RAB38: variants seen among roughly 807,000 people sequenced by gnomAD.
RAB38 encodes RAB38, member RAS oncogene family.
In RAB38, 15 loss-of-function variants were observed where a neutral mutation model predicts 18.4. The ratio of observed to expected loss-of-function variants is 0.82; its 90% CI spans 0.55 to 1.26. The LOEUF (loss-of-function observed/expected upper bound fraction) is 1.26. Among genes scored for constraint, RAB38 ranks in the 50% most tolerant of loss-of-function variants. The pLI, the probability that RAB38 is intolerant of heterozygous loss-of-function variation, is 0.00. For missense variants in RAB38, 294 were observed against 267.4 expected (o/e 1.10, Z -0.69); for synonymous variants, 101 against 104.4 (o/e 0.97, Z 0.20).
the RAB38 span, among the ~76,000 whole-genome samples, chr11:88,039,484 T>C: frequency 5.2e-4 from 79 of 152,166 alleles, 1 homozygote; most frequent in African/African-American, 1.9e-3. Context: ...AGCAGAACTG[T>C]GGTATGAGGA....
At chr11:88,125,555 G>A (rs573705694) in intron 2 of RAB38, among the ~76,000 whole-genome samples, 35 of 152,188 alleles carry the variant, frequency 2.3e-4, no homozygotes, top group African/African-American at 8.4e-4. Flanking sequence ...GGGAAAAGGT[G>A]CCATAGAAAG....
At chr11:87,936,179 A>G in the RAB38 span, among the ~76,000 whole-genome samples, 2 of 151,798 alleles carry the variant, frequency 1.3e-5, no homozygotes. Context: ...TCTTTTATGG[A>G]TCGTGCTTTT....
At chr11:87,819,676 G>A in the RAB38 span, among the ~76,000 whole-genome samples, 6 of 145,276 alleles carry the variant, frequency 4.1e-5, no homozygotes, top group South Asian at 2.2e-4. Context: ...ATATATATAT[G>A]TGTATATATA....
the RAB38 span, among the ~76,000 whole-genome samples, chr11:87,970,529 T>C: frequency 5.3e-5 from 8 of 152,106 alleles, no homozygotes; most frequent in South Asian, 4.1e-4. Context: ...GTTCCCGCCC[T>C]AGGCATGGGG....
the RAB38 span, among the ~76,000 whole-genome samples, chr11:88,035,914 C>A: frequency 6.6e-6 from 1 of 151,326 alleles, no homozygotes; most frequent in Non-Finnish European, 1.5e-5. Flanking sequence ...GCCTTGATTT[C>A]TCTCTAATGA....
intron 2 of RAB38, among the ~76,000 whole-genome samples, chr11:88,132,139 G>C (rs563686655): frequency 1.1e-4 from 17 of 152,274 alleles, no homozygotes; most frequent in African/African-American, 3.8e-4. Context: ...ACCTGTGCTA[G>C]GACTACTGAC....
At chr11:87,927,432 G>A in the RAB38 span, among the ~76,000 whole-genome samples, 1 of 151,984 alleles carries the variant, frequency 6.6e-6, no homozygotes. Flanking sequence ...GTTACCTTCA[G>A]TTGACTTACC....
chr11:88,125,029 C>T (rs78695883), intron 2 of RAB38, among the ~76,000 whole-genome samples: 264 of 152,326 alleles, frequency 1.7e-3, no homozygotes, highest in Middle Eastern at 6.8e-3. Flanking sequence ...CTCATAGTGA[C>T]TGTAACATTT....
intron 1 of RAB38, chr11:88,173,516 T>G (rs1168870517): frequency 1.0e-6 from 1 of 984,608 alleles, no homozygotes; most frequent in Non-Finnish European, 1.2e-6. Flanking sequence ...CTCTTCTGTT[T>G]ATGTGAGGAG....
the RAB38 span, among the ~76,000 whole-genome samples, chr11:88,059,414 A>T: frequency 5.3e-5 from 8 of 152,310 alleles, no homozygotes; most frequent in South Asian, 1.4e-3. Flanking sequence ...TTCTGCAGTT[A>T]TGCCTTTTAT....
chr11:87,859,835 G>T, the RAB38 span, among the ~76,000 whole-genome samples: 1 of 152,004 alleles, frequency 6.6e-6, no homozygotes, highest in Admixed American at 6.6e-5. Flanking sequence ...TCATGGTAGT[G>T]GCAGAAAGAT....
At chr11:87,850,714 C>CCACACACACACACACACACACA in the RAB38 span, among the ~76,000 whole-genome samples, 2 of 146,516 alleles carry the variant, frequency 1.4e-5, no homozygotes, top group South Asian at 2.2e-4. Flanking sequence ...CACAACACTG[C>CCACACACACACACACACACACA]CACACACACA....
At chr11:87,859,348 G>C in the RAB38 span, among the ~76,000 whole-genome samples, 1 of 151,844 alleles carries the variant, frequency 6.6e-6, no homozygotes, top group Admixed American at 6.6e-5. Context: ...AAAAAGGGTG[G>C]TTTGTAAAAA....
the RAB38 span, among the ~76,000 whole-genome samples, chr11:87,819,660 A>T: frequency 6.9e-6 from 1 of 144,414 alleles, no homozygotes; most frequent in South Asian, 2.2e-4. Flanking sequence ...GATCTCTTGG[A>T]TATATATATA....
chr11:87,829,187 C>G, the RAB38 span, among the ~76,000 whole-genome samples: 2 of 152,172 alleles, frequency 1.3e-5, no homozygotes, highest in Non-Finnish European at 2.9e-5. Context: ...AGGCAAGTAA[C>G]TACACACATA....
At chr11:88,063,273 C>T in the RAB38 span, among the ~76,000 whole-genome samples, 1 of 152,064 alleles carries the variant, frequency 6.6e-6, no homozygotes, top group African/African-American at 2.4e-5. Context: ...ACAAAAACTA[C>T]CTCTTTTACT....
At chr11:87,863,415 C>T in the RAB38 span, among the ~76,000 whole-genome samples, 6,279 of 151,828 alleles carry the variant, frequency 0.041, 263 homozygotes, top group Admixed American at 0.13. Flanking sequence ...CATAAGACAA[C>T]CACAGAGTAT....
the RAB38 span, among the ~76,000 whole-genome samples, chr11:87,940,632 C>CAGAG: frequency 6.6e-6 from 1 of 150,984 alleles, no homozygotes; most frequent in Non-Finnish European, 1.5e-5. Flanking sequence ...ATATATATGA[C>CAGAG]AGAGAGAGAG....
chr11:87,976,488 A>C, the RAB38 span, among the ~76,000 whole-genome samples: 8 of 107,006 alleles, frequency 7.5e-5, no homozygotes, highest in East Asian at 7.7e-4. Context: ...ATATATTTTT[A>C]TATATTTATA....
Sources: gnomAD v4.1 joint callset for allele counts (sites outside exome capture counted in the v4.1 genomes callset) on GRCh38, gnomAD v4.1.1 for gene constraint, MANE v1.5 for transcripts, NCBI Gene and HGNC (gene_info 2026-07-23, HGNC 2026-07-21) for gene names.